Variants in MAPKAPK2 observed in about 807,000 individuals in gnomAD.
MAPKAPK2 encodes MAPK activated protein kinase 2.
MAPKAPK2 carries 9 observed loss-of-function variants against 48.8 expected under a neutral mutation model. The observed-to-expected ratio is 0.18, with a 90% CI of 0.11 to 0.32. MAPKAPK2 has a LOEUF of 0.32. MAPKAPK2 is among the 10% of genes least tolerant of loss of function. MAPKAPK2 has a pLI of 1.00. For missense variants in MAPKAPK2, 331 were observed against 498.3 expected, an observed-to-expected ratio of 0.66 and a Z score of 3.20; for synonymous variants, 202 against 190.6, an observed-to-expected ratio of 1.06 and a Z score of -0.49.
intron 1 of MAPKAPK2, among the ~76,000 whole-genome samples, chr1:206,716,105 T>TC (rs1429260500): frequency 6.6e-6 from 1 of 152,146 alleles, no homozygotes; most frequent in African/African-American, 2.4e-5. Flanking sequence ...GAAGTATTTT[T>TC]TTTTTTTTTA....
At chr1:206,711,302 C>T (rs868909341) in intron 1 of MAPKAPK2, among the ~76,000 whole-genome samples, 46 of 152,212 alleles carry the variant, frequency 3.0e-4, no homozygotes, top group African/African-American at 1.1e-3. Context: ...CAGGCTGGAG[C>T]GCAGTGGCGC....
intron 1 of MAPKAPK2, among the ~76,000 whole-genome samples, chr1:206,705,693 C>T (rs1251399107): frequency 2.6e-5 from 4 of 152,170 alleles, no homozygotes; most frequent in Admixed American, 6.5e-5. Context: ...ATTAGCTCTC[C>T]GTTACCCAGG....
At chr1:206,693,557 C>T (rs1672520140) in intron 1 of MAPKAPK2, among the ~76,000 whole-genome samples, 1 of 152,134 alleles carries the variant, frequency 6.6e-6, no homozygotes, top group South Asian at 2.1e-4. Flanking sequence ...CAGAGTGGAT[C>T]AGACCTTCTA....
chr1:206,695,478 CT>C (rs1368254860), intron 1 of MAPKAPK2, among the ~76,000 whole-genome samples: 1 of 141,070 alleles, frequency 7.1e-6, no homozygotes, highest in African/African-American at 2.7e-5. Context: ...GGAACACATG[CT>C]TTTTTTTTCT....
At position 206,731,698 on chromosome 1, in the gene MAPKAPK2, C is replaced by T. The variant is rs4073250; in HGVS notation, c.951C>T (p.Thr317=). Residue 317 remains threonine (T), a synonymous_variant, in exon 8 of 10, where the codon ACC becomes ACT. Coordinates refer to ENST00000367103, the MANE Select transcript of MAPKAPK2 (RefSeq NM_032960.4). The surrounding 1 kb of genome is among the most constrained non-coding windows in gnomAD (Gnocchi z 5.9). ...KTEPTQRMTI[T]EFMNHPWIMQ... ...AGCCCACCCAGAGAATGACCATCAC[C>T]GAGTTTATGAACCACCCTTGGATCA... 317,450 of 1,613,540 alleles carry T rather than the reference C, an allele frequency of 0.2. 32,586 individuals are homozygous for T. Among genetic ancestry groups the T allele is most frequent in the South Asian group, 0.31 (28,298 of 91,064 alleles).
chr1:206,697,630 T>C (rs1672672728), intron 1 of MAPKAPK2, among the ~76,000 whole-genome samples: 1 of 152,174 alleles, frequency 6.6e-6, no homozygotes, highest in Non-Finnish European at 1.5e-5. Flanking sequence ...AAGCCATTCA[T>C]GAGGGATCTG....
chr1:206,685,520 G>A lies in MAPKAPK2; in HGVS notation c.279+12G>A, dbSNP rs1558569943. The A allele has an allele frequency of 6.7e-7, 1 of 1,500,508 alleles. No homozygotes were observed. Among genetic ancestry groups the A allele is most frequent in the South Asian group, 1.2e-5 (1 of 84,054 alleles). The allele number at this position is 1,500,508 out of a possible 1,614,324, so 92.9% of individuals were successfully genotyped here. A position where few individuals can be genotyped will look rare whatever the true frequency, so the allele number is the denominator to read the frequency against. On this transcript the variant is annotated intron_variant, in intron 1 of 9. Transcript: ENST00000367103. ...AATTCGCCCTCAAAGTAGGTCTGGGGCCCGGGGAGGGGAGGCGGGGCCGGT... is the reference window on the plus strand; with the variant it reads ...AATTCGCCCTCAAAGTAGGTCTGGGACCCGGGGAGGGGAGGCGGGGCCGGT...
At chr1:206,726,318 C>T (rs1196334392) in intron 1 of MAPKAPK2, among the ~76,000 whole-genome samples, 4 of 152,350 alleles carry the variant, frequency 2.6e-5, no homozygotes, top group Admixed American at 1.3e-4. Flanking sequence ...ACCCGGGAGG[C>T]GGAGGTTACA....
In MAPKAPK2 at chr1:206,732,129, T is replaced by C. The variant is rs781837159; in HGVS notation, c.1059+210T>C. 6.2e-7 allele frequency: 1 copy of C among 1,614,116 alleles called. No homozygotes were observed. The highest frequency in any genetic ancestry group is 1.1e-5 in the South Asian group (1 of 91,088). The stretch of plus-strand genomic sequence containing the variant: ...GTGTTCCTGTCCAAACTCAGTGCTG[T>C]TTCTTAGAATCCTTTTATTCCCTGG... On this transcript the variant is annotated intron_variant, in intron 9 of 9. Coordinates refer to ENST00000367103, the MANE Select transcript of MAPKAPK2 (RefSeq NM_032960.4). This position sits in a 1 kb window ranked among gnomAD's most constrained non-coding sequence, Gnocchi z 4.4.
intron 1 of MAPKAPK2, among the ~76,000 whole-genome samples, chr1:206,719,309 G>T (rs1673439486): frequency 6.6e-6 from 1 of 152,204 alleles, no homozygotes; most frequent in Admixed American, 6.5e-5. Context: ...AGGCACAGTG[G>T]CCCGCAGTCG....
intron 1 of MAPKAPK2, among the ~76,000 whole-genome samples, chr1:206,724,619 T>A (rs1488108649): frequency 6.6e-6 from 1 of 151,256 alleles, no homozygotes; most frequent in Non-Finnish European, 1.5e-5. Flanking sequence ...CAATGACCAG[T>A]CTTCATGGGA....
intron 4 of MAPKAPK2, 144 bp downstream of exon 4, chr1:206,729,619 C>T (rs1227095689): frequency 1.2e-5 from 9 of 742,692 alleles, no homozygotes; most frequent in Non-Finnish European, 2.1e-5. Flanking sequence ...TAGGGCCTTG[C>T]CCTCTCTGCC....
At chr1:206,712,161 TCTTC>T (rs1553429578) in intron 1 of MAPKAPK2, among the ~76,000 whole-genome samples, 3 of 152,218 alleles carry the variant, frequency 2.0e-5, no homozygotes, top group African/African-American at 4.8e-5. Context: ...TTACACCTTC[TCTTC>T]CTTGTTCTTA....
At position 206,730,682 on chromosome 1, in the gene MAPKAPK2, T is replaced by G. The variant is rs782210979; in HGVS notation, c.692-6T>G. ...CGGCCCACCCATGTTGACCTTTGAT[T>G]TGCAGCTCCAGAAGTGCTGGGTCCA... On this transcript the variant is annotated splice_polypyrimidine_tract_variant and splice_region_variant and intron_variant, in intron 5 of 9. Transcript: ENST00000367103. 6.2e-7 allele frequency: 1 copy of G among 1,613,790 alleles called. No homozygotes were observed. The highest frequency in any genetic ancestry group is 1.1e-5 in the South Asian group (1 of 91,066).
chr1:206,694,338 C>T (rs1006537199), intron 1 of MAPKAPK2, among the ~76,000 whole-genome samples: 2 of 152,188 alleles, frequency 1.3e-5, no homozygotes, highest in Non-Finnish European at 2.9e-5. Context: ...GACCATGTGT[C>T]GATGGCCTCC....
chr1:206,715,185 G>C (rs1673289625), intron 1 of MAPKAPK2, among the ~76,000 whole-genome samples: 1 of 152,206 alleles, frequency 6.6e-6, no homozygotes, highest in African/African-American at 2.4e-5. Flanking sequence ...AGAAAAGATG[G>C]GAAATACTGG....
intron 1 of MAPKAPK2, among the ~76,000 whole-genome samples, chr1:206,686,587 A>T (rs537873558): frequency 6.6e-6 from 1 of 152,300 alleles, no homozygotes; most frequent in South Asian, 2.1e-4. Context: ...GGGTGTCTCA[A>T]TGATTGGAGG....
rs1228582714 is a variant in MAPKAPK2, at chr1:206,698,040, A to G, written c.279+12532A>G. On this transcript the variant is annotated intron_variant, in intron 1 of 9. Coordinates refer to ENST00000367103, the MANE Select transcript of MAPKAPK2 (RefSeq NM_032960.4). Reference sequence around the variant, plus strand: ...GAAAATAACCTGATGCTGGGAAACAAGTGGTCGGCCTGGGTCCCAGGGAGC... The same window carrying G: ...GAAAATAACCTGATGCTGGGAAACAGGTGGTCGGCCTGGGTCCCAGGGAGC... 2.0e-5 allele frequency among the ~76,000 whole-genome samples: 3 copies of G among 152,374 alleles called. No homozygotes were observed. The East Asian group carries it at 5.8e-4, about 29-fold the overall frequency.
intron 1 of MAPKAPK2, among the ~76,000 whole-genome samples, chr1:206,700,171 T>A (rs780039350): frequency 6.6e-6 from 1 of 152,106 alleles, no homozygotes; most frequent in Non-Finnish European, 1.5e-5. Context: ...CACTTTCCAC[T>A]CTCCTTTCCT....
Sources: gnomAD v4.1 joint callset for allele counts (sites outside exome capture counted in the v4.1 genomes callset) on GRCh38, gnomAD v4.1.1 for gene constraint, Gnocchi (gnomAD v3.1) non-coding constraint, MANE v1.5 for transcripts, NCBI Gene and HGNC (gene_info 2026-07-23, HGNC 2026-07-21) for gene names.